Variants in FUS observed in about 807,000 individuals in gnomAD.
FUS encodes FUS RNA binding protein, also known as RNA-binding protein FUS.
A neutral mutation model predicts 82.7 loss-of-function variants in FUS; 5 were observed. The ratio of observed to expected loss-of-function variants is 0.06; its 90% CI spans 0.03 to 0.13. The LOEUF is 0.13. Among genes scored for constraint, FUS ranks in the 10% least tolerant of loss-of-function variants. The pLI, the probability that FUS is intolerant of heterozygous loss-of-function variation, is 1.00. For synonymous variants in FUS, 281 were observed against 247.4 expected, an observed-to-expected ratio of 1.14 and a Z score of -1.27; for missense variants, 512 against 707.8, an observed-to-expected ratio of 0.72 and a Z score of 3.14.
In FUS at chr16:31,182,563, G is replaced by T. The variant is rs2144101617; in HGVS notation, c.89G>T (p.Ser30Ile). 1 of 1,614,192 alleles carries T rather than the reference G, an allele frequency of 6.2e-7. No individual in the cohort carries two copies. The highest frequency in any genetic ancestry group is 8.5e-7 in the Non-Finnish European group (1 of 1,180,030). Residue 30 changes from serine to isoleucine, a missense_variant, in exon 3 of 15, where the codon AGT (serine) becomes ATT (isoleucine). By Grantham distance (142) the Ser-to-Ile change is moderately radical. This residue lies in a region of FUS where 276 missense variants were observed against 303.3 expected (regional missense o/e 0.91). Transcript: ENST00000254108. The part of the protein sequence containing the change: ...QPGQGYSQQS[S>I]QPYGQQSYSG... Reference sequence around the variant, plus strand: ...GGGCAGGGCTATTCCCAGCAGAGCAGTCAGCCCTACGGACAGCAGAGTTAC... The same window carrying T: ...GGGCAGGGCTATTCCCAGCAGAGCATTCAGCCCTACGGACAGCAGAGTTAC...
chr16:31,188,666 C>G (rs930221274), intron 8 of FUS: 3 of 512,600 alleles, frequency 5.9e-6, no homozygotes, highest in Admixed American at 7.5e-5. Context: ...GTGGTTCTTT[C>G]AAAATGTGGA....
At position 31,191,490 on chromosome 16, in the gene FUS, T is replaced by TA. The variant is rs1408774620; in HGVS notation, c.*53dup. 2.5e-6 allele frequency: 4 copies of TA among 1,591,610 alleles called. No individual in the cohort carries two copies. Among genetic ancestry groups the TA allele is most frequent in the Non-Finnish European group, 3.4e-6 (4 of 1,159,772 alleles). On this transcript the variant is annotated 3_prime_UTR_variant, in exon 15 of 15. Transcript: ENST00000254108. ...CAGCTTTTTGTCCTGTACCCAGTGT[T>TA]ACCCTCGTTATTTTGTAACCTTCCA...
chr16:31,185,249 C>T (rs1455528529), intron 6 of FUS, 70 bp downstream of exon 6: 4 of 1,502,150 alleles, frequency 2.7e-6, no homozygotes. Flanking sequence ...CTCCCTGAAG[C>T]CAGTCCCTAG....
chr16:31,190,152 A>G lies in FUS; in HGVS notation c.1168+11A>G. Reference sequence around the variant, plus strand: ...GCCGAGGGCGAGGAGGTGAGGAGCTACCTGCTAGTGGTGCAGAGGGGTAAT... The same window carrying G: ...GCCGAGGGCGAGGAGGTGAGGAGCTGCCTGCTAGTGGTGCAGAGGGGTAAT... On this transcript the variant is annotated intron_variant, in intron 11 of 14. Coordinates refer to ENST00000254108, the MANE Select transcript of FUS (RefSeq NM_004960.4). 2 of 1,614,046 alleles carry G rather than the reference A, an allele frequency of 1.2e-6. No individual in the cohort carries two copies. The highest frequency in any genetic ancestry group is 1.1e-5 in the South Asian group (1 of 91,074).
chr16:31,190,970 C>A lies in FUS; in HGVS notation c.1401C>A (p.Asn467Lys). 1 of 1,613,244 alleles carries A rather than the reference C, an allele frequency of 6.2e-7. No individual in the cohort carries two copies. The change falls in exon 14 of 15, where the codon AAC becomes AAA. Residue 467 changes from asparagine (N) to lysine (K), a missense_variant. Asn to Lys is a moderately conservative substitution (Grantham distance 94). Around this residue, in one of 6 missense-constraint regions of FUS, gnomAD observed 96 missense variants for 120.7 expected, o/e 0.80. Transcript: ENST00000254108. Reference protein sequence around the residue: ...GGPGGSHMGGNYGDDRRGGRG... With the variant: ...GGPGGSHMGGKYGDDRRGGRG... ...TTGTTTCTTTTGTCCTAGGGGGTAA[C>A]TACGGGGATGATCGTCGTGGTGGCA...
At chr16:31,183,503 C>A in intron 3 of FUS, 1 of 301,658 alleles carries the variant, frequency 3.3e-6, no homozygotes, top group Non-Finnish European at 6.4e-6. Context: ...GGATTTGCCC[C>A]AAGGTCCTGA....
At chr16:31,193,889 T>C (rs907719661), downstream of FUS, 3 of 527,952 alleles carry the variant, frequency 5.7e-6, no homozygotes, top group Admixed American at 4.5e-5. Context: ...TCAAGTGACC[T>C]GCCTGCCTCA....
intron 1 of FUS, among the ~76,000 whole-genome samples, chr16:31,181,322 G>A (rs1234030252): frequency 6.6e-6 from 1 of 152,234 alleles, no homozygotes; most frequent in Admixed American, 6.5e-5. Flanking sequence ...CGCGTTTCCT[G>A]TGCTGGGAGG....
rs371057360 is a variant in FUS at position 31,191,377 on chromosome 16, A to ATT, written c.1542-6_1542-5dup. 1.1e-3 allele frequency: 1,596 copies of ATT among 1,518,032 alleles called. No individual in the cohort carries two copies. The highest frequency in any genetic ancestry group is 2.2e-3 in the Admixed American group (122 of 55,334). 94.0% of individuals were successfully genotyped at this position (1,518,032 alleles called of 1,614,324 possible). A position where few individuals can be genotyped will look rare whatever the true frequency, so the allele number is the denominator to read the frequency against. ...GTAACTCAAATATAATGGATACTTA[A>ATT]TTTTTTTTTTTTTTTTTGCAGGGGT... is the stretch of plus-strand genomic sequence containing the variant. On this transcript the variant is annotated intron_variant, in intron 14 of 14. Transcript: ENST00000254108.
At chr16:31,188,134 C>A in intron 7 of FUS, 191 bp from the exon 8 acceptor site, 2 of 622,664 alleles carry the variant, frequency 3.2e-6, no homozygotes, top group Non-Finnish European at 5.6e-6. Context: ...AAGGGGCCTG[C>A]CTAGAATTTT....
intron 12 of FUS, 43 bp from the exon 13 acceptor site, chr16:31,190,699 T>G: frequency 6.4e-7 from 1 of 1,554,482 alleles, no homozygotes; most frequent in South Asian, 1.1e-5. Context: ...AGGTCTTGCC[T>G]ATTCCCCATC....
intron 8 of FUS, 31 bp downstream of exon 8, chr16:31,188,388 T>G (rs776975878): frequency 8.1e-6 from 13 of 1,610,424 alleles, no homozygotes. Context: ...ATGAAAAGAG[T>G]GGCTAAAGTG....
chr16:31,186,927 G>C (rs2079279242), intron 7 of FUS, 91 bp downstream of exon 7: 2 of 1,342,844 alleles, frequency 1.5e-6, no homozygotes, highest in South Asian at 2.3e-5. Context: ...TAATTTAAAT[G>C]TCAAAGGTTT....
intron 8 of FUS, chr16:31,188,719 A>T (rs1313086261): frequency 2.1e-6 from 1 of 474,410 alleles, no homozygotes; most frequent in Non-Finnish European, 3.8e-6. Context: ...AGACCTGACC[A>T]CATGAAGTAA....
chr16:31,186,620 G>A (rs563675531), intron 6 of FUS, 182 bp from the exon 7 acceptor site: 92 of 656,924 alleles, frequency 1.4e-4, no homozygotes, highest in Non-Finnish European at 2.0e-4. Context: ...AATTGCACAC[G>A]TGTGTGTGAC....
chr16:31,193,785 C>G (rs767333845), downstream of FUS: 1 of 527,336 alleles, frequency 1.9e-6, no homozygotes, highest in Non-Finnish European at 3.7e-6. Flanking sequence ...GGTGCTTCCT[C>G]GCTACCACAC....
chr16:31,184,202 TC>T lies in FUS; in HGVS notation c.336-4del, dbSNP rs2079224661. ...TTGTGATTGTGTTTTTTGTTTGTTT[TC>T]CCTAGTTACGGTAGCAGTTCTCAGA... On this transcript the variant is annotated splice_region_variant and splice_polypyrimidine_tract_variant and intron_variant, in intron 4 of 14. Transcript: ENST00000254108. 6.2e-7 allele frequency: 1 copy of T among 1,614,004 alleles called. No homozygotes were observed. Among genetic ancestry groups the T allele is most frequent in the Non-Finnish European group, 8.5e-7 (1 of 1,180,012 alleles).
chr16:31,184,832 T>A, intron 5 of FUS, 107 bp from the exon 6 acceptor site: 2 of 1,056,718 alleles, frequency 1.9e-6, no homozygotes, highest in East Asian at 4.9e-5. Context: ...CTTTTTACTT[T>A]CTTTTGTCCT....
chr16:31,184,066 G>A, intron 4 of FUS, 64 bp downstream of exon 4: 1 of 1,612,914 alleles, frequency 6.2e-7, no homozygotes, highest in Non-Finnish European at 8.5e-7. Flanking sequence ...GAATGATAAA[G>A]GGACCAGCAG....
Sources: allele counts gnomAD v4.1 joint callset (sites outside exome capture counted in the v4.1 genomes callset), GRCh38; gene constraint gnomAD v4.1.1; regional missense constraint gnomAD v4.1.1; transcripts MANE v1.5; gene names NCBI Gene and HGNC (gene_info 2026-07-23, HGNC 2026-07-21).